Variants in CRB1 observed in about 807,000 individuals in gnomAD.
CRB1 encodes the protein crumbs cell polarity complex component 1.
A neutral mutation model predicts 120.0 loss-of-function variants in CRB1; 83 were observed. The ratio of observed to expected loss-of-function variants is 0.69; its 90% CI spans 0.58 to 0.83. The LOEUF (loss-of-function observed/expected upper bound fraction) is 0.83. CRB1 is among the 40% of genes least tolerant of loss of function. The pLI is 0.00. For missense variants in CRB1, 1,699 were observed against 1,687.6 expected (o/e 1.01, Z -0.12); for synonymous variants, 625 against 612.5 (o/e 1.02, Z -0.30).
At position 197,435,002 on chromosome 1, in the gene CRB1, C is replaced by A; in HGVS notation, c.3139C>A (p.Gln1047Lys). ...CCTTTCCATGACAGACCCACTGTCCCAGACCTCCAGGTGGCAAATGGAAGT... is the reference window on the plus strand; with the variant it reads ...CCTTTCCATGACAGACCCACTGTCCAAGACCTCCAGGTGGCAAATGGAAGT... ...VTLSMTDPLS[Q>K]TSRWQMEVDN... is the part of the protein sequence containing the mutation. The change falls in exon 9 of 12, where the codon CAG (glutamine) becomes AAG (lysine). Residue 1047 changes from glutamine (Q) to lysine (K), a missense_variant. Coordinates refer to ENST00000367400, the MANE Select transcript of CRB1 (RefSeq NM_201253.3). 6.2e-7 allele frequency: 1 copy of A among 1,613,960 alleles called. No homozygotes were observed. Among genetic ancestry groups the A allele is most frequent in the Non-Finnish European group, 8.5e-7 (1 of 1,179,894 alleles).
chr1:197,222,130 C>G, the CRB1 span: 1 of 355,124 alleles, frequency 2.8e-6, no homozygotes, highest in Non-Finnish European at 5.4e-6. Context: ...CAGGATGAGT[C>G]CTAATGCCGT....
chr1:197,331,976 C>T (rs568683874), intron 2 of CRB1, among the ~76,000 whole-genome samples: 3 of 152,040 alleles, frequency 2.0e-5, no homozygotes, highest in Non-Finnish European at 2.9e-5. Flanking sequence ...AGATGGATAC[C>T]ACACTGGCCA....
chr1:197,460,001 C>CTTTTTTT (rs10679172), intron 11 of CRB1, among the ~76,000 whole-genome samples: 1,344 of 75,470 alleles, frequency 0.018, 54 homozygotes, highest in East Asian at 0.042. Context: ...AAGCCCCCCT[C>CTTTTTTT]TTTTTTTTTT....
At chr1:197,294,647 G>A (rs1365276281) in intron 1 of CRB1, among the ~76,000 whole-genome samples, 1 of 152,002 alleles carries the variant, frequency 6.6e-6, no homozygotes, top group African/African-American at 2.4e-5. Flanking sequence ...CAAAGACTTG[G>A]AACCAACCCA....
intron 1 of CRB1, among the ~76,000 whole-genome samples, chr1:197,316,849 A>G (rs897643562): frequency 4.0e-5 from 6 of 151,894 alleles, no homozygotes; most frequent in African/African-American, 1.5e-4. Context: ...TGATGTTTCT[A>G]TACACCAATA....
At chr1:197,215,148 G>C in the CRB1 span, among the ~76,000 whole-genome samples, 1 of 152,024 alleles carries the variant, frequency 6.6e-6, no homozygotes, top group Non-Finnish European at 1.5e-5. Context: ...AACAAATTAG[G>C]TACAGAAAGA....
chr1:197,338,997 T>G (rs1217420629), intron 2 of CRB1, among the ~76,000 whole-genome samples: 2 of 152,192 alleles, frequency 1.3e-5, no homozygotes, highest in Admixed American at 1.3e-4. Flanking sequence ...ATTGACAAAA[T>G]TCGGCAGTCC....
chr1:197,453,280 T>C (rs910059819), intron 11 of CRB1, among the ~76,000 whole-genome samples: 1 of 143,582 alleles, frequency 7.0e-6, no homozygotes, highest in East Asian at 2.0e-4. Context: ...TATATATATA[T>C]ATATAATTAA....
At chr1:197,388,710 A>G (rs1311298200) in intron 5 of CRB1, among the ~76,000 whole-genome samples, 2 of 152,092 alleles carry the variant, frequency 1.3e-5, no homozygotes. Context: ...AAACATAACC[A>G]TGAAATTCAC....
chr1:197,354,527 C>A (rs887014754), intron 4 of CRB1, among the ~76,000 whole-genome samples: 11 of 152,100 alleles, frequency 7.2e-5, no homozygotes, highest in Non-Finnish European at 1.6e-4. Context: ...AGTGAAGCCG[C>A]AGACCTTTGC....
intron 8 of CRB1, 95 bp from the exon 9 acceptor site, chr1:197,434,609 AAT>A (rs1665032388): frequency 9.1e-7 from 1 of 1,093,394 alleles, no homozygotes; most frequent in South Asian, 1.3e-5. Flanking sequence ...GTCAATATGC[AAT>A]GTTATTAACA....
At chr1:197,338,246 G>A (rs1278277858) in intron 2 of CRB1, among the ~76,000 whole-genome samples, 1 of 151,902 alleles carries the variant, frequency 6.6e-6, no homozygotes, top group East Asian at 1.9e-4. Flanking sequence ...AAGTGTAGGG[G>A]GAAAGTCATT....
chr1:197,306,063 G>A (rs1383355002), intron 1 of CRB1, among the ~76,000 whole-genome samples: 2 of 152,120 alleles, frequency 1.3e-5, no homozygotes, highest in Non-Finnish European at 2.9e-5. Flanking sequence ...TTGGTAAAGA[G>A]TGCCTGGAAA....
At chr1:197,443,937 T>A (rs956134021) in intron 11 of CRB1, 28 of 152,202 alleles carry the variant, frequency 1.8e-4, no homozygotes, top group African/African-American at 6.5e-4. Flanking sequence ...AGTTTGATCC[T>A]ATGAATTAAT....
the CRB1 span, among the ~76,000 whole-genome samples, chr1:197,207,451 AC>A: frequency 7.9e-5 from 12 of 152,266 alleles, no homozygotes; most frequent in Non-Finnish European, 1.5e-4. Flanking sequence ...CTGAAAAAAG[AC>A]TGTATCTTTC....
Position 197,328,930 on chromosome 1 carries a change from T to A in CRB1, c.579T>A (p.Asp193Glu), listed in dbSNP as rs1382054822. The A allele has an allele frequency of 6.2e-7, 1 of 1,614,090 alleles. No homozygotes were observed. The highest frequency in any genetic ancestry group is 2.2e-5 in the East Asian group (1 of 44,898). Reference protein sequence around the residue: ...CDLEVDECASDPCKNEATCLN... With the variant: ...CDLEVDECASEPCKNEATCLN... ...TGGAAGTGGATGAATGTGCTTCAGA[T>A]CCCTGCAAGAACGAGGCTACATGCC... Residue 193 changes from aspartate to glutamate, a missense_variant, in exon 2 of 12, where the codon GAT (aspartate) becomes GAA (glutamate). Asp to Glu is a conservative substitution (Grantham distance 45). Transcript: ENST00000367400.
intron 5 of CRB1, among the ~76,000 whole-genome samples, chr1:197,372,725 CAA>C (rs1043033092): frequency 7.1e-6 from 1 of 141,752 alleles, no homozygotes; most frequent in African/African-American, 2.5e-5. Flanking sequence ...AAAAAAAAAA[CAA>C]ATAAAAAAAC....
At chr1:197,362,940 T>C (rs1558083066) in intron 5 of CRB1, among the ~76,000 whole-genome samples, 2 of 152,164 alleles carry the variant, frequency 1.3e-5, no homozygotes, top group Non-Finnish European at 2.9e-5. Context: ...TTCTGTTTGA[T>C]TCCTTTCTTT....
At chr1:197,248,706 C>T in the CRB1 span, among the ~76,000 whole-genome samples, 1 of 151,918 alleles carries the variant, frequency 6.6e-6, no homozygotes, top group South Asian at 2.1e-4. Flanking sequence ...GCATTGTCTA[C>T]ATACTGGCCA....
Sources: gnomAD v4.1 joint callset for allele counts (sites outside exome capture counted in the v4.1 genomes callset) on GRCh38, gnomAD v4.1.1 for gene constraint, MANE v1.5 for transcripts, NCBI Gene and HGNC (gene_info 2026-07-23, HGNC 2026-07-21) for gene names.